DHX58: variants seen among roughly 807,000 people sequenced by gnomAD.
DHX58 encodes DExH-box helicase 58, also known as ATP-dependent RNA helicase DHX58.
A neutral mutation model predicts 65.0 loss-of-function variants in DHX58; 51 were observed. The observed-to-expected ratio is 0.78, with a 90% CI of 0.63 to 0.99. The LOEUF (loss-of-function observed/expected upper bound fraction) is 0.99. Ranked by LOEUF, DHX58 falls within the 50% of genes least tolerant of loss-of-function variation. The pLI is 0.00. For synonymous variants in DHX58, 350 were observed against 365.0 expected (o/e 0.96, Z 0.47); for missense variants, 773 against 891.8 (o/e 0.87, Z 1.70).
rs781996971 is a variant in DHX58 at position 42,101,930 on chromosome 17, A to G, written c.1868T>C (p.Met623Thr). Residue 623 changes from methionine to threonine, a missense_variant, in exon 14 of 14, where the codon ATG becomes ACG. Coordinates refer to ENST00000251642, the MANE Select transcript of DHX58 (RefSeq NM_024119.3). ...RNCGEVWGLQMIYKSVKLPVL... is the reference protein window; with the variant it reads ...RNCGEVWGLQTIYKSVKLPVL... ...TGGCAGCTTCACTGACTTGTAGATC[A>G]TCTGCAGACCCCAGACCTGGAGGTG... The G allele has an allele frequency of 1.9e-6, 3 of 1,612,858 alleles. No individual in the cohort carries two copies. Among genetic ancestry groups the G allele is most frequent in the East Asian group, 2.2e-5 (1 of 44,878 alleles).
rs782049191 is a variant in DHX58 at position 42,105,889 on chromosome 17, G to A, written c.1098C>T (p.Asn366=). 3.7e-6 allele frequency: 6 copies of A among 1,613,852 alleles called. No individual in the cohort carries two copies. In the South Asian group the frequency reaches 4.4e-5, roughly 12 times the overall value. The part of the protein sequence containing the change: ...KILQRQFSSS[N]SPRGIIFTRT... The stretch of plus-strand genomic sequence containing the variant: ...GGGTGAAGATGATACCCCGAGGGCT[G>A]TTAGAGCTACTGAACTGCCTTTGCA... Residue 366 remains asparagine (N), a synonymous_variant, in exon 9 of 14, where the codon AAC becomes AAT. Coordinates refer to ENST00000251642, the MANE Select transcript of DHX58 (RefSeq NM_024119.3).
intron 11 of DHX58, among the ~76,000 whole-genome samples, chr17:42,104,331 A>T (rs539531075): frequency 6.6e-6 from 1 of 152,258 alleles, no homozygotes; most frequent in South Asian, 2.1e-4. Flanking sequence ...TGAATCTGTC[A>T]TGGGGCATCA....
In DHX58 at chr17:42,107,627, C is replaced by T; in HGVS notation, c.974G>A (p.Arg325His). 3.1e-6 allele frequency: 5 copies of T among 1,606,288 alleles called. No homozygotes were observed. Among genetic ancestry groups the T allele is most frequent in the Non-Finnish European group, 3.4e-6 (4 of 1,175,600 alleles). ...ACCATCGAACAGGGCCAGCAGCCGG[C>T]GCTCGGCACACAGGATCTGGGTTTT... ...VTKTQILCAERRLLALFDDRK... is the reference protein window; with the variant it reads ...VTKTQILCAEHRLLALFDDRK... The change falls in exon 8 of 14, where the codon CGC (arginine) becomes CAC (histidine). Residue 325 changes from arginine to histidine, a missense_variant. By Grantham distance (29) the Arg-to-His change is conservative. Transcript: ENST00000251642.
rs550521451 is a variant in DHX58 at position 42,111,819 on chromosome 17, G to A, written c.74C>T (p.Pro25Leu). The A allele has an allele frequency of 6.2e-7, 1 of 1,613,992 alleles. No individual in the cohort carries two copies. Among genetic ancestry groups the A allele is most frequent in the African/African-American group, 1.3e-5 (1 of 74,932 alleles). ...CGCCCGGGTCTTCCCGGCACCCGTGGGCAGCCAGATGATGATATTCTTGCC... is the reference window on the plus strand; with the variant it reads ...CGCCCGGGTCTTCCCGGCACCCGTGAGCAGCCAGATGATGATATTCTTGCC... ...LEGKNIIIWL[P>L]TGAGKTRAAA... The change falls in exon 3 of 14, where the codon CCC (proline) becomes CTC (leucine). Residue 25 changes from proline to leucine, a missense_variant. Physicochemically the swap from Pro to Leu is moderately conservative, Grantham distance 98. Coordinates refer to ENST00000251642, the MANE Select transcript of DHX58 (RefSeq NM_024119.3).
At chr17:42,108,149 G>A (rs782539341) in intron 6 of DHX58, 41 bp from the exon 7 acceptor site, 1 of 1,613,536 alleles carries the variant, frequency 6.2e-7, no homozygotes, top group South Asian at 1.1e-5. Flanking sequence ...CATACACGTT[G>A]GAGGATGGGC....
rs2054151081 is a variant in DHX58, at chr17:42,111,415, A to G, written c.251T>C (p.Met84Thr). 4 of 1,614,156 alleles carry G rather than the reference A, an allele frequency of 2.5e-6. No homozygotes were observed. Among genetic ancestry groups the G allele is most frequent in the South Asian group, 1.1e-5 (1 of 91,084 alleles). ...GTGGCCAAAGCCAGCACGTGGTCCC[A>G]TGTCCCCACTCAGGGTTGTCACGGT... is the stretch of plus-strand genomic sequence containing the variant. ...RWTVTTLSGD[M>T]GPRAGFGHLA... Residue 84 changes from methionine to threonine, a missense_variant, in exon 4 of 14, where the codon ATG becomes ACG. Physicochemically the swap from Met to Thr is moderately conservative, Grantham distance 81. Transcript: ENST00000251642.
Position 42,105,586 on chromosome 17 carries a change from T to C in DHX58, c.1251+150A>G. 5 of 1,447,322 alleles carry C rather than the reference T, an allele frequency of 3.5e-6. 1 individual carries two copies. Among genetic ancestry groups the C allele is most frequent in the Non-Finnish European group, 4.5e-6 (5 of 1,100,978 alleles). 89.7% of individuals were successfully genotyped at this position (1,447,322 alleles called of 1,614,324 possible). A position where few individuals can be genotyped will look rare whatever the true frequency, so the allele number is the denominator to read the frequency against. On this transcript the variant is annotated intron_variant, in intron 9 of 13. Coordinates refer to ENST00000251642, the MANE Select transcript of DHX58 (RefSeq NM_024119.3). ...GAGGTCAGTGTCCGCCCCTCTCCCC[T>C]AGCTCCTTGCCCCTCTGCCTGGGGA...
chr17:42,109,129 A>G, intron 6 of DHX58, 141 bp downstream of exon 6: 1 of 674,228 alleles, frequency 1.5e-6, no homozygotes, highest in Non-Finnish European at 2.4e-6. Context: ...GCCCCATTTC[A>G]CAGAAAGGAG....
Position 42,107,585 on chromosome 17 carries a change from G to GCCCCCACCCCCC in DHX58, c.997+18_997+19insGGGGGGTGGGGG. On this transcript the variant is annotated intron_variant, in intron 8 of 13. Transcript: ENST00000251642. ...AGGTCCCATCATCCCCGGCCCCGAAGCCCCCTCCCGCCCCTCACCATCGAA... is the reference window on the plus strand; with the variant it reads ...AGGTCCCATCATCCCCGGCCCCGAAGCCCCCACCCCCCCCCCCTCCCGCCCCTCACCATCGAA... 8.4e-7 allele frequency: 1 copy of GCCCCCACCCCCC among 1,193,360 alleles called. No individual in the cohort carries two copies. Among genetic ancestry groups the GCCCCCACCCCCC allele is most frequent in the Non-Finnish European group, 1.2e-6 (1 of 854,250 alleles). 73.9% of individuals were successfully genotyped at this position (1,193,360 alleles called of 1,614,324 possible). A position where few individuals can be genotyped will look rare whatever the true frequency, so the allele number is the denominator to read the frequency against.
intron 3 of DHX58, 90 bp downstream of exon 3, chr17:42,111,635 G>A: frequency 6.4e-7 from 1 of 1,568,476 alleles, no homozygotes; most frequent in Non-Finnish European, 8.7e-7. Flanking sequence ...GGCCACAGCA[G>A]CTTTGGAGTT....
chr17:42,104,625 A>T, intron 11 of DHX58, 141 bp downstream of exon 11: 2 of 1,121,644 alleles, frequency 1.8e-6, no homozygotes, highest in Non-Finnish European at 2.5e-6. Flanking sequence ...CCCGGCCCTT[A>T]TTTAAACCTT....
chr17:42,105,547 G>A (rs2074156), intron 9 of DHX58, among the ~76,000 whole-genome samples, 189 bp downstream of exon 9: 49,332 of 151,858 alleles, frequency 0.32, 12,657 homozygotes, highest in African/African-American at 0.72. Context: ...ACTGGGAGAG[G>A]CTCCAGCACT....
At chr17:42,108,673 G>T (rs1427108206) in intron 6 of DHX58, among the ~76,000 whole-genome samples, 1 of 152,246 alleles carries the variant, frequency 6.6e-6, no homozygotes, top group East Asian at 1.9e-4. Context: ...GACCCTGACA[G>T]AGCTGGCCTT....
At position 42,110,801 on chromosome 17, in the gene DHX58, G is replaced by T; in HGVS notation, c.483C>A (p.Pro161=). 1.9e-6 allele frequency: 3 copies of T among 1,613,978 alleles called. No homozygotes were observed. The highest frequency in any genetic ancestry group is 2.5e-6 in the Non-Finnish European group (3 of 1,179,934). ...GGGAGGCTGTGAGACCCAGCACCTG[G>T]GGTAGCGGCTGTGCCCTCTGGAGTT... ...ELKLQRAQPL[P]QVLGLTASPG... is the part of the protein sequence containing the mutation. The change falls in exon 5 of 14, where the codon CCC becomes CCA. Residue 161 remains proline (P), a synonymous_variant. Transcript: ENST00000251642.
In DHX58 at chr17:42,111,302, G is replaced by A. The variant is rs1373978967; in HGVS notation, c.364C>T (p.Leu122Phe). 13 of 1,611,936 alleles carry A rather than the reference G, an allele frequency of 8.1e-6. No homozygotes were observed. In the Admixed American group the frequency reaches 1.5e-4, roughly 19 times the overall value. ...TSPEEEEHVE[L>F]TVFSLIVVDE... The stretch of plus-strand genomic sequence containing the variant: ...TCCCGGCCATGGCCCTCACCAGTGA[G>A]CTCCACGTGCTCCTCCTCCTCGGGG... Residue 122 changes from leucine (L) to phenylalanine (F), a missense_variant, in exon 4 of 14, where the codon CTC (leucine) becomes TTC (phenylalanine). Leu to Phe is a conservative substitution (Grantham distance 22, BLOSUM62 0). Coordinates refer to ENST00000251642, the MANE Select transcript of DHX58 (RefSeq NM_024119.3).
At chr17:42,108,630 C>G (rs1268831958) in intron 6 of DHX58, among the ~76,000 whole-genome samples, 1 of 149,986 alleles carries the variant, frequency 6.7e-6, no homozygotes, top group African/African-American at 2.4e-5. Flanking sequence ...GCCAGGAACC[C>G]GCTTGTGCCC....
At position 42,103,597 on chromosome 17, in the gene DHX58, A is replaced by C. The variant is rs1555661928; in HGVS notation, c.1754+11T>G. ...GGCCCCCATCCCAGTAGCCCCTTCC[A>C]CAGGTCTCACGAGAAGTTGGGGTTC... On this transcript the variant is annotated intron_variant, in intron 12 of 13. Coordinates refer to ENST00000251642, the MANE Select transcript of DHX58 (RefSeq NM_024119.3). The C allele has an allele frequency of 6.2e-7, 1 of 1,613,844 alleles. No individual in the cohort carries two copies. The highest frequency in any genetic ancestry group is 8.5e-7 in the Non-Finnish European group (1 of 1,179,926).
At chr17:42,112,451 T>C in intron 1 of DHX58, 154 bp downstream of exon 1, 1 of 191,688 alleles carries the variant, frequency 5.2e-6, no homozygotes, top group Non-Finnish European at 1.1e-5. Flanking sequence ...TCATCCCAAC[T>C]CCTGGCCAGA....
In DHX58 at chr17:42,107,703, C is replaced by G; in HGVS notation, c.898G>C (p.Val300Leu). 1 of 1,611,620 alleles carries G rather than the reference C, an allele frequency of 6.2e-7. No individual in the cohort carries two copies. Among genetic ancestry groups the G allele is most frequent in the Non-Finnish European group, 8.5e-7 (1 of 1,178,892 alleles). ...TCCTGCAGCGCAGCCAAGGCATCCA[C>G]GGCGCGGACGGTGTCATGGATGAGC... ...ALLIHDTVRAVDALAALQDFY... is the reference protein window; with the variant it reads ...ALLIHDTVRALDALAALQDFY... The change falls in exon 8 of 14, where the codon GTG becomes CTG. Residue 300 changes from valine (V) to leucine (L), a missense_variant. By Grantham distance (32) the Val-to-Leu change is conservative. Coordinates refer to ENST00000251642, the MANE Select transcript of DHX58 (RefSeq NM_024119.3).
Sources: allele counts gnomAD v4.1 joint callset (sites outside exome capture counted in the v4.1 genomes callset), GRCh38; gene constraint gnomAD v4.1.1; transcripts MANE v1.5; gene names NCBI Gene and HGNC (gene_info 2026-07-23, HGNC 2026-07-21).